NCKAP5: variants seen among roughly 807,000 people sequenced by gnomAD.
The protein encoded by NCKAP5 is NCK associated protein 5.
A neutral mutation model predicts 167.0 loss-of-function variants in NCKAP5; 92 were observed. That is an observed-to-expected ratio of 0.55 (90% CI 0.47 to 0.66). The LOEUF (loss-of-function observed/expected upper bound fraction) is 0.66. Ranked by LOEUF, NCKAP5 falls within the 30% of genes least tolerant of loss-of-function variation. NCKAP5 has a pLI of 0.00. For synonymous variants in NCKAP5, 891 were observed against 877.4 expected, an observed-to-expected ratio of 1.02 and a Z score of -0.27; for missense variants, 2,378 against 2,315.0, an observed-to-expected ratio of 1.03 and a Z score of -0.56.
intron 4 of NCKAP5, among the ~76,000 whole-genome samples, chr2:133,223,497 G>A (rs1350580177): frequency 2.6e-5 from 4 of 152,168 alleles, no homozygotes; most frequent in Non-Finnish European, 5.9e-5. Flanking sequence ...GGCAGTCCCT[G>A]AGTAATGGTT....
chr2:133,608,317 G>A, the NCKAP5 span, among the ~76,000 whole-genome samples: 2 of 152,094 alleles, frequency 1.3e-5, no homozygotes, highest in Non-Finnish European at 2.9e-5. Flanking sequence ...AGTCCTGTAG[G>A]AGCCAAAGGA....
intron 6 of NCKAP5, among the ~76,000 whole-genome samples, chr2:133,063,486 T>C (rs2080082257): frequency 6.6e-6 from 1 of 152,172 alleles, no homozygotes; most frequent in African/African-American, 2.4e-5. Flanking sequence ...CCTGACCAGA[T>C]CATAAATCAA....
intron 5 of NCKAP5, among the ~76,000 whole-genome samples, chr2:133,202,710 C>G (rs148780071): frequency 0.058 from 8,755 of 152,032 alleles, 803 homozygotes; most frequent in African/African-American, 0.2. Context: ...TCAAACAACC[C>G]CATCAAAAAG....
intron 8 of NCKAP5, among the ~76,000 whole-genome samples, chr2:132,943,611 T>G (rs1483662667): frequency 6.6e-6 from 1 of 152,176 alleles, no homozygotes; most frequent in Non-Finnish European, 1.5e-5. Context: ...ATGTTGCCGG[T>G]CATAAAGTTT....
chr2:132,786,743 A>G (rs1417942919), intron 13 of NCKAP5, among the ~76,000 whole-genome samples: 2 of 152,208 alleles, frequency 1.3e-5, no homozygotes, highest in African/African-American at 4.8e-5. Flanking sequence ...AGAACAGACA[A>G]CTGAGACTCA....
intron 18 of NCKAP5, among the ~76,000 whole-genome samples, chr2:132,727,574 C>T (rs1690585711): frequency 6.6e-6 from 1 of 152,218 alleles, no homozygotes; most frequent in Non-Finnish European, 1.5e-5. Flanking sequence ...ATGCCTGCTC[C>T]GGTTTGGGAG....
At chr2:133,314,724 T>C (rs920363633) in intron 3 of NCKAP5, among the ~76,000 whole-genome samples, 1 of 152,186 alleles carries the variant, frequency 6.6e-6, no homozygotes, top group African/African-American at 2.4e-5. Flanking sequence ...GGTAACATTT[T>C]TGTGAGGGAG....
At chr2:133,227,275 A>T (rs1428793752) in intron 4 of NCKAP5, among the ~76,000 whole-genome samples, 5 of 152,238 alleles carry the variant, frequency 3.3e-5, no homozygotes, top group Non-Finnish European at 7.3e-5. Flanking sequence ...ATCCACAGGC[A>T]CACATAATCT....
chr2:133,586,544 C>A, the NCKAP5 span, among the ~76,000 whole-genome samples: 1 of 152,160 alleles, frequency 6.6e-6, no homozygotes, highest in East Asian at 1.9e-4. Context: ...GACAGTGCTA[C>A]CAATGGGTTC....
At chr2:133,605,921 A>G in the NCKAP5 span, among the ~76,000 whole-genome samples, 132 of 152,314 alleles carry the variant, frequency 8.7e-4, no homozygotes, top group Admixed American at 2.3e-3. Context: ...GCTTCAAAGA[A>G]CCATAATAAC....
At chr2:133,081,581 A>G (rs1427461342) in intron 6 of NCKAP5, among the ~76,000 whole-genome samples, 1 of 152,178 alleles carries the variant, frequency 6.6e-6, no homozygotes, top group Non-Finnish European at 1.5e-5. Context: ...TGTTTTTTAA[A>G]GCTTGGAAAG....
At chr2:132,756,988 A>C (rs1285717298) in intron 16 of NCKAP5, among the ~76,000 whole-genome samples, 1 of 152,196 alleles carries the variant, frequency 6.6e-6, no homozygotes, top group Non-Finnish European at 1.5e-5. Context: ...TTTATAATCA[A>C]ACAATAACAT....
chr2:132,773,537 C>T (rs1187584701), intron 16 of NCKAP5, among the ~76,000 whole-genome samples: 1 of 152,196 alleles, frequency 6.6e-6, no homozygotes, highest in African/African-American at 2.4e-5. Flanking sequence ...ATTATAGAAA[C>T]TGGATTACTC....
At chr2:133,659,623 TA>T in the NCKAP5 span, among the ~76,000 whole-genome samples, 1 of 152,196 alleles carries the variant, frequency 6.6e-6, no homozygotes, top group South Asian at 2.1e-4. Flanking sequence ...GTATTCAGAA[TA>T]TACTGGGATT....
the NCKAP5 span, among the ~76,000 whole-genome samples, chr2:133,595,039 A>G: frequency 6.6e-6 from 1 of 152,186 alleles, no homozygotes; most frequent in East Asian, 1.9e-4. Flanking sequence ...GAAAGAAACA[A>G]CTGTGGATTC....
chr2:132,830,272 C>A lies in NCKAP5; in HGVS notation c.807+30220G>T, dbSNP rs192248979. On this transcript the variant is annotated intron_variant, in intron 11 of 19. Coordinates refer to ENST00000409261, the MANE Select transcript of NCKAP5 (RefSeq NM_207363.3). ...AGCAGTAAAAGTTATCCAAAAAGTTCTTGTAAATAGGACTCTCAATTATTT... is the reference window on the plus strand; with the variant it reads ...AGCAGTAAAAGTTATCCAAAAAGTTATTGTAAATAGGACTCTCAATTATTT... Among the ~76,000 whole-genome samples the A allele has an allele frequency of 8.6e-5, 13 of 152,040 alleles. No individual in the cohort carries two copies. In the East Asian group the frequency reaches 1.9e-3, roughly 23 times the overall value.
intron 11 of NCKAP5, among the ~76,000 whole-genome samples, chr2:132,820,797 A>C (rs1686672877): frequency 6.6e-6 from 1 of 152,238 alleles, no homozygotes; most frequent in Non-Finnish European, 1.5e-5. Flanking sequence ...TTTTGGTGGC[A>C]TAAACATACA....
intron 8 of NCKAP5, among the ~76,000 whole-genome samples, chr2:132,906,438 G>A (rs1694015301): frequency 6.6e-6 from 1 of 152,186 alleles, no homozygotes; most frequent in African/African-American, 2.4e-5. Context: ...TCATCGCCAT[G>A]CAGAGGTGAT....
chr2:133,310,087 G>C (rs561949917), intron 3 of NCKAP5, among the ~76,000 whole-genome samples: 1 of 152,186 alleles, frequency 6.6e-6, no homozygotes, highest in East Asian at 1.9e-4. Context: ...TTTTTAAGCG[G>C]GGGAGGGCAT....
Sources: gnomAD v4.1 joint callset for allele counts (sites outside exome capture counted in the v4.1 genomes callset) on GRCh38, gnomAD v4.1.1 for gene constraint, MANE v1.5 for transcripts, NCBI Gene and HGNC (gene_info 2026-07-23, HGNC 2026-07-21) for gene names.